The following CNTNAP5 variants were observed in gnomAD, a reference collection of about 807,000 sequenced individuals.
The protein encoded by CNTNAP5 is contactin associated protein family member 5.
CNTNAP5 carries 72 observed loss-of-function variants against 150.2 expected under a neutral mutation model. That is an observed-to-expected ratio of 0.48 (90% CI 0.40 to 0.58). The LOEUF is 0.58. Among genes scored for constraint, CNTNAP5 ranks in the 20% least tolerant of loss-of-function variants. CNTNAP5 has a pLI of 0.00. For synonymous variants in CNTNAP5, 672 were observed against 619.8 expected (o/e 1.08, Z -1.25); for missense variants, 1,636 against 1,626.2 (o/e 1.01, Z -0.10).
chr2:124,883,644 G>A (rs560285736), intron 21 of CNTNAP5, among the ~76,000 whole-genome samples: 1 of 152,044 alleles, frequency 6.6e-6, no homozygotes, highest in African/African-American at 2.4e-5. Context: ...CCTGGTACAG[G>A]TATGTATGTG....
chr2:124,519,269 G>T (rs1694801579), intron 8 of CNTNAP5, among the ~76,000 whole-genome samples: 1 of 152,062 alleles, frequency 6.6e-6, no homozygotes, highest in African/African-American at 2.4e-5. Context: ...AAAATTGATT[G>T]TAGTGATTGT....
chr2:124,428,828 TGTTAGAGAA>T (rs1035264924), intron 4 of CNTNAP5, among the ~76,000 whole-genome samples: 10 of 152,118 alleles, frequency 6.6e-5, no homozygotes, highest in African/African-American at 2.2e-4. Context: ...TCCACAAGTG[TGTTAGAGAA>T]GTTGTGATAG....
chr2:124,463,977 C>A (rs1320973542), intron 6 of CNTNAP5, among the ~76,000 whole-genome samples: 4 of 152,056 alleles, frequency 2.6e-5, no homozygotes, highest in African/African-American at 9.7e-5. Flanking sequence ...GAGTACCCAA[C>A]TCAAAGGTTA....
chr2:124,861,184 A>G (rs1011125979), intron 19 of CNTNAP5, among the ~76,000 whole-genome samples: 15 of 152,066 alleles, frequency 9.9e-5, no homozygotes, highest in Non-Finnish European at 2.2e-4. Flanking sequence ...TTCTTTTAAG[A>G]GGATTCCTTA....
At chr2:124,172,983 C>A (rs12711672) in intron 1 of CNTNAP5, among the ~76,000 whole-genome samples, 117,535 of 151,984 alleles carry the variant, frequency 0.77, 46,077 homozygotes, top group Non-Finnish European at 0.8. Flanking sequence ...GTGCTTATTT[C>A]TTGTTTTCAT....
intron 3 of CNTNAP5, among the ~76,000 whole-genome samples, chr2:124,246,698 G>C (rs942744527): frequency 6.6e-6 from 1 of 152,080 alleles, no homozygotes; most frequent in African/African-American, 2.4e-5. Flanking sequence ...TAACCACAAT[G>C]TTGAGCCCTT....
At chr2:124,173,700 G>A (rs969210614) in intron 1 of CNTNAP5, among the ~76,000 whole-genome samples, 5 of 152,156 alleles carry the variant, frequency 3.3e-5, no homozygotes, top group African/African-American at 1.2e-4. Flanking sequence ...ACATACAAGT[G>A]CAAAGTAAAG....
At chr2:124,822,206 A>G (rs753615452) in intron 19 of CNTNAP5, among the ~76,000 whole-genome samples, 20 of 151,956 alleles carry the variant, frequency 1.3e-4, no homozygotes, top group Non-Finnish European at 2.1e-4. Flanking sequence ...CAATATTAGA[A>G]CCTTACTCCA....
At chr2:124,149,805 G>A (rs1476372402) in intron 1 of CNTNAP5, among the ~76,000 whole-genome samples, 1 of 152,132 alleles carries the variant, frequency 6.6e-6, no homozygotes, top group Non-Finnish European at 1.5e-5. Context: ...CTCGCAGCTG[G>A]CCGGGCCAAC....
chr2:124,504,509 G>A lies in CNTNAP5; in HGVS notation c.1280G>A (p.Arg427Lys), dbSNP rs775578771. Reference sequence around the variant, plus strand: ...CTGAGCCTGGAGGGTGGAATCCTGAGACTCGTGATTCAGAAAATGACAGAA... The same window carrying A: ...CTGAGCCTGGAGGGTGGAATCCTGAAACTCGTGATTCAGAAAATGACAGAA... Reference protein sequence around the residue: ...LLLSLEGGILRLVIQKMTERV... With the variant: ...LLLSLEGGILKLVIQKMTERV... Residue 427 changes from arginine to lysine, a missense_variant, in exon 8 of 24, where the codon AGA (arginine) becomes AAA (lysine). Arg to Lys is a conservative substitution (Grantham distance 26). Transcript: ENST00000682447. The A allele has an allele frequency of 6.2e-7, 1 of 1,613,714 alleles. No homozygotes were observed. Among genetic ancestry groups the A allele is most frequent in the Admixed American group, 1.7e-5 (1 of 59,978 alleles).
At chr2:124,180,407 A>G (rs1378509011) in intron 1 of CNTNAP5, among the ~76,000 whole-genome samples, 4 of 152,192 alleles carry the variant, frequency 2.6e-5, no homozygotes, top group Non-Finnish European at 5.9e-5. Flanking sequence ...TATTTTATCA[A>G]TATTTTAGAC....
intron 3 of CNTNAP5, among the ~76,000 whole-genome samples, chr2:124,345,596 ACT>A (rs1338345641): frequency 2.0e-5 from 3 of 152,052 alleles, no homozygotes; most frequent in African/African-American, 4.8e-5. Context: ...GGTAGATATA[ACT>A]CTTTCATATG....
At chr2:124,550,875 C>G (rs1001636673) in intron 10 of CNTNAP5, among the ~76,000 whole-genome samples, 8 of 152,054 alleles carry the variant, frequency 5.3e-5, no homozygotes, top group Non-Finnish European at 1.0e-4. Context: ...CTAAAGTTCC[C>G]AGGTAGCAAT....
At chr2:124,892,130 C>A (rs1279919333) in intron 21 of CNTNAP5, among the ~76,000 whole-genome samples, 2 of 152,062 alleles carry the variant, frequency 1.3e-5, no homozygotes, top group Admixed American at 1.3e-4. Context: ...TTCTCATTAA[C>A]CTCAAATGAA....
At chr2:124,631,108 A>G (rs1677849147) in intron 12 of CNTNAP5, among the ~76,000 whole-genome samples, 1 of 152,214 alleles carries the variant, frequency 6.6e-6, no homozygotes, top group South Asian at 2.1e-4. Flanking sequence ...CTACATGCTC[A>G]TGGATAACAA....
chr2:124,499,049 A>C (rs908540671), intron 7 of CNTNAP5, among the ~76,000 whole-genome samples: 2 of 152,208 alleles, frequency 1.3e-5, no homozygotes, highest in African/African-American at 4.8e-5. Context: ...AGCCAGGAGC[A>C]ATGCTAGATA....
chr2:124,757,673 G>T (rs950952349), intron 14 of CNTNAP5, among the ~76,000 whole-genome samples: 1 of 152,032 alleles, frequency 6.6e-6, no homozygotes, highest in East Asian at 1.9e-4. Flanking sequence ...TTTTCCTAGC[G>T]TTATTCTCAG....
At chr2:124,564,134 C>T (rs555119377) in intron 11 of CNTNAP5, among the ~76,000 whole-genome samples, 1 of 152,236 alleles carries the variant, frequency 6.6e-6, no homozygotes, top group African/African-American at 2.4e-5. Flanking sequence ...AAAAAGGATA[C>T]TCAGAAGCAA....
At chr2:124,056,407 G>A (rs1459272346) in intron 1 of CNTNAP5, among the ~76,000 whole-genome samples, 4 of 152,234 alleles carry the variant, frequency 2.6e-5, no homozygotes, top group Middle Eastern at 3.4e-3. Context: ...AGCAGATCAC[G>A]AGGTCAGGAG....
Sources: gnomAD v4.1 joint callset for allele counts (sites outside exome capture counted in the v4.1 genomes callset) on GRCh38, gnomAD v4.1.1 for gene constraint, MANE v1.5 for transcripts, NCBI Gene and HGNC (gene_info 2026-07-23, HGNC 2026-07-21) for gene names.